GAK: variants seen among roughly 807,000 people sequenced by gnomAD.
The protein encoded by GAK is cyclin-G-associated kinase.
Under a neutral mutation model 143.9 loss-of-function variants are expected in GAK, and 79 were observed. The ratio of observed to expected loss-of-function variants is 0.55; its 90% CI spans 0.46 to 0.66. The LOEUF is 0.66. Ranked by LOEUF, GAK falls within the 30% of genes least tolerant of loss-of-function variation. The pLI is 0.00. For missense variants in GAK, 1,693 were observed against 1,779.7 expected, an observed-to-expected ratio of 0.95 and a Z score of 0.88; for synonymous variants, 881 against 765.5, an observed-to-expected ratio of 1.15 and a Z score of -2.49.
At position 903,373 on chromosome 4, in the gene GAK, G is replaced by A. The variant is rs574000988; in HGVS notation, c.525+1264C>T. Among the ~76,000 whole-genome samples, 802 of 152,348 alleles carry A rather than the reference G, an allele frequency of 5.3e-3. 7 individuals carry two copies. Among genetic ancestry groups the A allele is most frequent in the African/African-American group, 0.018 (748 of 41,578 alleles). On this transcript the variant is annotated intron_variant, in intron 5 of 27. Transcript: ENST00000314167. Reference sequence around the variant, plus strand: ...GGAGGTGCAGTGGGGGGACAGTCAGGAAGTGCAAAGAGCTCCCCTCAAGCT... The same window carrying A: ...GGAGGTGCAGTGGGGGGACAGTCAGAAAGTGCAAAGAGCTCCCCTCAAGCT...
At chr4:850,760 G>C in intron 26 of GAK, 176 bp downstream of exon 26, 1 of 587,416 alleles carries the variant, frequency 1.7e-6, no homozygotes, top group East Asian at 3.5e-5. Flanking sequence ...GGGCTGCCAG[G>C]CCCATCGGCA....
chr4:907,229 G>A (rs1721243102), intron 4 of GAK, among the ~76,000 whole-genome samples: 1 of 152,148 alleles, frequency 6.6e-6, no homozygotes, highest in Admixed American at 6.5e-5. Flanking sequence ...GCCCAGCACT[G>A]CCCCCACCTG....
At chr4:912,163 G>A (rs964824513) in intron 3 of GAK, 32 of 459,082 alleles carry the variant, frequency 7.0e-5, no homozygotes, top group Non-Finnish European at 2.2e-5. Context: ...CGGGCTCTCC[G>A]AGTGAACAGA....
intron 5 of GAK, among the ~76,000 whole-genome samples, chr4:898,808 A>AACCGAGATTGCGCCGCTGCACTCC (rs1719305135): frequency 6.6e-6 from 1 of 152,186 alleles, no homozygotes. Context: ...GGCTGCAGTG[A>AACCGAGATTGCGCCGCTGCACTCC]ACCGAGATTG....
intron 25 of GAK, 33 bp from the exon 26 acceptor site, chr4:851,117 G>C (rs769449141): frequency 3.8e-6 from 6 of 1,598,258 alleles, no homozygotes; most frequent in Admixed American, 1.7e-5. Flanking sequence ...TTTTGTTTGA[G>C]ACAGGGTCTC....
At chr4:849,816 G>A (rs115624243) in intron 27 of GAK, 42 bp from the exon 28 acceptor site, 17,412 of 1,527,872 alleles carry the variant, frequency 0.011, 133 homozygotes, top group South Asian at 0.016. Context: ...ATAAGCATGC[G>A]GGGGCGGGCG....
Position 904,863 on chromosome 4 carries a change from A to C in GAK, c.383-84T>G, listed in dbSNP as rs933883535. 1.5e-5 allele frequency: 21 copies of C among 1,381,032 alleles called. No individual in the cohort carries two copies. In the African/African-American group the frequency reaches 2.9e-4, roughly 19 times the overall value. The allele number at this position is 1,381,032 out of a possible 1,614,324, so 85.5% of individuals were successfully genotyped here. On this transcript the variant is annotated intron_variant, in intron 4 of 27. Transcript: ENST00000314167. ...TAGGGCTGTTTCACGCGGACTTCCCAGAACTAAATGGAAAGGAAAACCCTG... is the reference window on the plus strand; with the variant it reads ...TAGGGCTGTTTCACGCGGACTTCCCCGAACTAAATGGAAAGGAAAACCCTG...
At chr4:930,631 A>G (rs960591079) in intron 1 of GAK, among the ~76,000 whole-genome samples, 1 of 151,764 alleles carries the variant, frequency 6.6e-6, no homozygotes, top group African/African-American at 2.4e-5. Flanking sequence ...AGTCCTGTCC[A>G]CAATAAACTT....
Position 858,932 on chromosome 4 carries a change from A to G in GAK, c.3283+674T>C, listed in dbSNP as rs187309213. 4.0e-3 allele frequency among the ~76,000 whole-genome samples: 607 copies of G among 152,348 alleles called. 2 individuals are homozygous for G. Among genetic ancestry groups the G allele is most frequent in the Non-Finnish European group, 6.3e-3 (429 of 68,036 alleles). ...GGTCACCGGCACCAACAAGCATCCC[A>G]AGGTGGAGCCACTTCCCACCCAGCA... On this transcript the variant is annotated intron_variant, in intron 24 of 27. Transcript: ENST00000314167.
intron 23 of GAK, 60 bp from the exon 24 acceptor site, chr4:859,782 G>A (rs1749955632): frequency 1.6e-6 from 2 of 1,241,878 alleles, no homozygotes; most frequent in Middle Eastern, 2.0e-4. Context: ...ACATCCTCCT[G>A]GGACCTCCGA....
chr4:860,789 C>G (rs555235948), intron 23 of GAK, among the ~76,000 whole-genome samples: 110 of 150,548 alleles, frequency 7.3e-4, no homozygotes, highest in African/African-American at 2.7e-3. Flanking sequence ...GCACCTCGCA[C>G]TGTGCACTCG....
At position 913,653 on chromosome 4, in the gene GAK, A is replaced by G; in HGVS notation, c.161T>C (p.Val54Ala). The G allele has an allele frequency of 6.2e-7, 1 of 1,613,470 alleles. No individual in the cohort carries two copies. Among genetic ancestry groups the G allele is most frequent in the Non-Finnish European group, 8.5e-7 (1 of 1,179,430 alleles). ...ACTCCCCACATCTTGAGCTTCATAC[A>G]CAAATGCAAACCCTCCTGAAAATTA... ...RVLAEGGFAFVYEAQDVGSGR... is the reference protein window; with the variant it reads ...RVLAEGGFAFAYEAQDVGSGR... Residue 54 changes from valine (V) to alanine (A), a missense_variant, in exon 2 of 28, where the codon GTG becomes GCG. Transcript: ENST00000314167.
intron 4 of GAK, among the ~76,000 whole-genome samples, chr4:908,748 C>T (rs1354988261): frequency 6.6e-6 from 1 of 152,218 alleles, no homozygotes; most frequent in Non-Finnish European, 1.5e-5. Context: ...TGAATCACTG[C>T]ACTCCAGCTT....
intron 9 of GAK, among the ~76,000 whole-genome samples, chr4:893,055 C>A (rs1297158040): frequency 6.6e-6 from 1 of 152,208 alleles, no homozygotes; most frequent in Non-Finnish European, 1.5e-5. Flanking sequence ...CCACCCTCCT[C>A]TCTGTGGGGG....
chr4:882,135 G>C, intron 14 of GAK, 95 bp from the exon 15 acceptor site: 2 of 1,325,564 alleles, frequency 1.5e-6, no homozygotes, highest in Non-Finnish European at 2.1e-6. Flanking sequence ...TGTGGCTGCA[G>C]GGACGCAGGG....
At chr4:867,841 G>A (rs1250758091) in intron 20 of GAK, among the ~76,000 whole-genome samples, 2 of 152,266 alleles carry the variant, frequency 1.3e-5, no homozygotes, top group African/African-American at 4.8e-5. Flanking sequence ...GCGGTGGGGT[G>A]TTGTTCCTGA....
At chr4:866,227 GC>G in intron 22 of GAK, 136 bp downstream of exon 22, 1 of 817,388 alleles carries the variant, frequency 1.2e-6, no homozygotes, top group African/African-American at 1.8e-5. Context: ...GGATGCTTGG[GC>G]CGCAAGGAGC....
chr4:905,336 C>T (rs1191049227), intron 4 of GAK, among the ~76,000 whole-genome samples: 1 of 152,192 alleles, frequency 6.6e-6, no homozygotes, highest in East Asian at 1.9e-4. Flanking sequence ...TGCCAAGAAC[C>T]TGGACAACTT....
intron 5 of GAK, among the ~76,000 whole-genome samples, chr4:903,743 A>C (rs1311330625): frequency 6.7e-6 from 1 of 148,902 alleles, no homozygotes; most frequent in Non-Finnish European, 1.5e-5. Context: ...TGGGGTGAGC[A>C]GGAATAGGGT....
Sources: allele counts gnomAD v4.1 joint callset (sites outside exome capture counted in the v4.1 genomes callset), GRCh38; gene constraint gnomAD v4.1.1; transcripts MANE v1.5; gene names NCBI Gene and HGNC (gene_info 2026-07-23, HGNC 2026-07-21).